Variants in AK2 observed in about 807,000 individuals in gnomAD.
AK2 encodes adenylate kinase 2, mitochondrial.
In AK2, 15 loss-of-function variants were observed where a neutral mutation model predicts 24.6. The ratio of observed to expected loss-of-function variants is 0.61; its 90% CI spans 0.41 to 0.94. The LOEUF is 0.94. Among genes scored for constraint, AK2 ranks in the 40% least tolerant of loss-of-function variants. The pLI is 0.00. For synonymous variants in AK2, 102 were observed against 114.0 expected, an observed-to-expected ratio of 0.90 and a Z score of 0.67; for missense variants, 257 against 304.1, an observed-to-expected ratio of 0.85 and a Z score of 1.15.
At position 33,011,114 on chromosome 1, in the gene AK2, ATC is replaced by A. The variant is rs1383761500; in HGVS notation, c.*2065_*2066del. ...TTGTACATGTTGTATGCACACGTGAATCTATGTGGACGGATGACAAATATTTG... is the reference window on the plus strand; with the variant it reads ...TTGTACATGTTGTATGCACACGTGAATATGTGGACGGATGACAAATATTTG... On this transcript the variant is annotated 3_prime_UTR_variant, in exon 6 of 6. Coordinates refer to ENST00000672715, the MANE Select transcript of AK2 (RefSeq NM_001625.4). The A allele has an allele frequency of 1.5e-5, 22 of 1,420,066 alleles. No individual in the cohort carries two copies. The East Asian group carries it at 5.8e-4, about 38-fold the overall frequency. The allele number at this position is 1,420,066 out of a possible 1,614,324, so 88.0% of individuals were successfully genotyped here.
intron 1 of AK2, among the ~76,000 whole-genome samples, chr1:33,025,125 CAGTGAGCTG>C (rs1439153002): frequency 7.3e-6 from 1 of 137,212 alleles, no homozygotes; most frequent in African/African-American, 2.7e-5. Context: ...GCAGAGGCTG[CAGTGAGCTG>C]AGATTGCACC....
rs1638943833 is a variant in AK2 at position 33,013,197 on chromosome 1, A to ATGAGTTTATGTTTATGTTTATG, written c.703_704insCATAAACATAAACATAAACTCA (p.Leu235SerfsTer2). 5.6e-6 allele frequency: 9 copies of ATGAGTTTATGTTTATGTTTATG among 1,613,976 alleles called. No homozygotes were observed. Among genetic ancestry groups the ATGAGTTTATGTTTATGTTTATG allele is most frequent in the Non-Finnish European group, 7.6e-6 (9 of 1,179,984 alleles). On this transcript the variant is annotated stop_gained and frameshift_variant, in exon 6 of 6. Transcript: ENST00000672715. LOFTEE classifies it high-confidence loss of function. ...GACCCAACATTAGATAAACATAACC[A>ATGAGTTTATGTTTATGTTTATG]AGTCTTTACATGTGGCTTTGGAGAA... is the stretch of plus-strand genomic sequence containing the variant.
chr1:33,019,610 C>T, intron 4 of AK2: 1 of 986,308 alleles, frequency 1.0e-6, no homozygotes, highest in Non-Finnish European at 1.2e-6. Flanking sequence ...TATCGCTTTC[C>T]AGGATAATAG....
At position 33,009,715 on chromosome 1, in the gene AK2, G is replaced by C; in HGVS notation, c.*3466C>G. 2.2e-6 allele frequency: 1 copy of C among 454,088 alleles called. No homozygotes were observed. Among genetic ancestry groups the C allele is most frequent in the South Asian group, 1.6e-5 (1 of 64,478 alleles). The allele number at this position is 454,088 out of a possible 1,614,324, so 28.1% of individuals were successfully genotyped here. On this transcript the variant is annotated 3_prime_UTR_variant, in exon 6 of 6. Transcript: ENST00000672715. ...CACAGTGCTATCTCCACTAGACCAAGCTGCCTTGTCTCTGGGCTCAAGAGA... is the reference window on the plus strand; with the variant it reads ...CACAGTGCTATCTCCACTAGACCAACCTGCCTTGTCTCTGGGCTCAAGAGA...
rs539603457 is a variant in AK2, at chr1:33,010,418, C to T, written c.*2763G>A. On this transcript the variant is annotated 3_prime_UTR_variant, in exon 6 of 6. Coordinates refer to ENST00000672715, the MANE Select transcript of AK2 (RefSeq NM_001625.4). The stretch of plus-strand genomic sequence containing the variant: ...CTCCCTGTTCCAAGCTATAGACAGA[C>T]AGGACAACAATTTGATTTCCTGTAC... 2.0e-6 allele frequency: 1 copy of T among 507,628 alleles called. No individual in the cohort carries two copies. The highest frequency in any genetic ancestry group is 3.8e-6 in the Non-Finnish European group (1 of 262,644). The allele number at this position is 507,628 out of a possible 1,614,324, so 31.4% of individuals were successfully genotyped here.
At position 33,013,099 on chromosome 1, in the gene AK2, G is replaced by A; in HGVS notation, c.*82C>T. On this transcript the variant is annotated 3_prime_UTR_variant, in exon 6 of 6. Transcript: ENST00000672715. ...CATCAAATGATATTTTTGCTAGCCT[G>A]AGGAAGCTTCTCTTTGCCTGTCCTA... 1 of 1,612,372 alleles carries A rather than the reference G, an allele frequency of 6.2e-7. No individual in the cohort carries two copies. Among genetic ancestry groups the A allele is most frequent in the East Asian group, 2.2e-5 (1 of 44,878 alleles).
intron 4 of AK2, among the ~76,000 whole-genome samples, chr1:33,016,145 C>T (rs1312848063): frequency 1.3e-5 from 2 of 152,122 alleles, no homozygotes; most frequent in Non-Finnish European, 2.9e-5. Flanking sequence ...TCCATAGATG[C>T]TCAAGTCCCT....
At chr1:33,035,488 G>A (rs1290768889) in intron 1 of AK2, among the ~76,000 whole-genome samples, 4 of 152,198 alleles carry the variant, frequency 2.6e-5, no homozygotes, top group Admixed American at 2.6e-4. Flanking sequence ...AGCGGGCACA[G>A]GGCAGTCCTC....
chr1:33,009,337 G>A lies in AK2; in HGVS notation c.*3844C>T. The A allele has an allele frequency of 4.4e-6, 2 of 454,074 alleles. No individual in the cohort carries two copies. Among genetic ancestry groups the A allele is most frequent in the Middle Eastern group, 6.9e-4 (1 of 1,444 alleles). 28.1% of individuals were successfully genotyped at this position (454,074 alleles called of 1,614,324 possible). ...CTGGAGAGGAAATGAATTTAAACTA[G>A]GACACACAGAGAAGCAACAAAGAGT... is the stretch of plus-strand genomic sequence containing the variant. On this transcript the variant is annotated 3_prime_UTR_variant, in exon 6 of 6. Coordinates refer to ENST00000672715, the MANE Select transcript of AK2 (RefSeq NM_001625.4).
At chr1:33,028,509 A>T (rs1056473649) in intron 1 of AK2, among the ~76,000 whole-genome samples, 1 of 152,098 alleles carries the variant, frequency 6.6e-6, no homozygotes, top group Non-Finnish European at 1.5e-5. Flanking sequence ...CTCAAGAAAA[A>T]AAAAAAAAAA....
intron 4 of AK2, chr1:33,020,272 C>A: frequency 1.2e-6 from 1 of 840,166 alleles, no homozygotes; most frequent in South Asian, 1.6e-5. Context: ...ATTTTCTAAA[C>A]TTTGTACAGA....
At chr1:33,026,361 C>A (rs1639883038) in intron 1 of AK2, among the ~76,000 whole-genome samples, 3 of 152,156 alleles carry the variant, frequency 2.0e-5, no homozygotes, top group Admixed American at 2.0e-4. Flanking sequence ...ACGTGCCTGG[C>A]TAATTTTTAT....
chr1:33,010,764 C>T lies in AK2; in HGVS notation c.*2417G>A. 6.2e-7 allele frequency: 1 copy of T among 1,614,312 alleles called. No homozygotes were observed. Among genetic ancestry groups the T allele is most frequent in the Non-Finnish European group, 8.5e-7 (1 of 1,180,056 alleles). ...GACCACCCTTCCCCTCTGCCCAGCACCTAAGAGCAGGGATCACGCCGCGGG... is the reference window on the plus strand; with the variant it reads ...GACCACCCTTCCCCTCTGCCCAGCATCTAAGAGCAGGGATCACGCCGCGGG... On this transcript the variant is annotated 3_prime_UTR_variant, in exon 6 of 6. Coordinates refer to ENST00000672715, the MANE Select transcript of AK2 (RefSeq NM_001625.4).
Position 33,010,922 on chromosome 1 carries a change from C to G in AK2, c.*2259G>C. ...GAGGCTGGCATGTAAGCCCCAGCAACCAAATGCATTAAACACTGGACATTT... is the reference window on the plus strand; with the variant it reads ...GAGGCTGGCATGTAAGCCCCAGCAAGCAAATGCATTAAACACTGGACATTT... On this transcript the variant is annotated 3_prime_UTR_variant, in exon 6 of 6. Coordinates refer to ENST00000672715, the MANE Select transcript of AK2 (RefSeq NM_001625.4). 6.3e-7 allele frequency: 1 copy of G among 1,596,366 alleles called. No individual in the cohort carries two copies. Among genetic ancestry groups the G allele is most frequent in the Non-Finnish European group, 8.5e-7 (1 of 1,171,042 alleles).
At chr1:33,023,388 G>T (rs888187235) in intron 2 of AK2, among the ~76,000 whole-genome samples, 1 of 150,136 alleles carries the variant, frequency 6.7e-6, no homozygotes, top group Non-Finnish European at 1.5e-5. Flanking sequence ...GCAACACAGT[G>T]AGACTCCATC....
At chr1:33,016,622 C>G (rs1340084160) in intron 4 of AK2, among the ~76,000 whole-genome samples, 3 of 152,042 alleles carry the variant, frequency 2.0e-5, no homozygotes, top group African/African-American at 4.8e-5. Context: ...GTGACCCTCC[C>G]GCCTCAGTCT....
At position 33,034,663 on chromosome 1, in the gene AK2, A is replaced by G. The variant is rs74631409; in HGVS notation, c.93+2073T>C. The stretch of plus-strand genomic sequence containing the variant: ...GAACACTGAGGCTCGGAAGTTACAT[A>G]GCTAGCTAAATTATAAAACCCTTGT... On this transcript the variant is annotated intron_variant, in intron 1 of 5. Coordinates refer to ENST00000672715, the MANE Select transcript of AK2 (RefSeq NM_001625.4). 3.6e-3 allele frequency among the ~76,000 whole-genome samples: 542 copies of G among 152,320 alleles called. 23 individuals are homozygous for G. The East Asian group carries it at 0.092, about 26-fold the overall frequency.
At chr1:33,026,669 A>G (rs1044975893) in intron 1 of AK2, among the ~76,000 whole-genome samples, 10 of 151,272 alleles carry the variant, frequency 6.6e-5, no homozygotes, top group Admixed American at 4.6e-4. Flanking sequence ...TTAGCCGGGC[A>G]TGGTGGCGCA....
chr1:33,012,134 G>C lies in AK2; in HGVS notation c.*1047C>G, dbSNP rs1638860712. The stretch of plus-strand genomic sequence containing the variant: ...CTCAGATGATCAGCCTGGATGTTCA[G>C]AAGACAATCTGAATTCAAAAGGACC... On this transcript the variant is annotated 3_prime_UTR_variant, in exon 6 of 6. Transcript: ENST00000672715. 2.6e-6 allele frequency: 4 copies of C among 1,535,470 alleles called. No individual in the cohort carries two copies. Among genetic ancestry groups the C allele is most frequent in the Non-Finnish European group, 3.5e-6 (4 of 1,146,734 alleles).
Sources: allele counts gnomAD v4.1 joint callset (sites outside exome capture counted in the v4.1 genomes callset), GRCh38; gene constraint gnomAD v4.1.1; transcripts MANE v1.5; gene names NCBI Gene and HGNC (gene_info 2026-07-23, HGNC 2026-07-21).